The following ATP13A5 variants were observed in gnomAD, a reference collection of about 807,000 sequenced individuals.
ATP13A5 encodes probable cation-transporting ATPase 13A5.
In ATP13A5, 149 loss-of-function variants were observed where a neutral mutation model predicts 150.2. That is an observed-to-expected ratio of 0.99 (90% CI 0.87 to 1.14). The LOEUF is 1.14. ATP13A5 is among the 50% of genes most tolerant of loss of function. ATP13A5 has a pLI of 0.00. For synonymous variants in ATP13A5, 497 were observed against 522.2 expected, an observed-to-expected ratio of 0.95 and a Z score of 0.66; for missense variants, 1,383 against 1,449.3, an observed-to-expected ratio of 0.95 and a Z score of 0.74.
intron 17 of ATP13A5, among the ~76,000 whole-genome samples, chr3:193,318,752 C>G (rs562804531): frequency 1.3e-5 from 2 of 152,270 alleles, no homozygotes; most frequent in Non-Finnish European, 2.9e-5. Context: ...ACACTGGTAT[C>G]TTGGAGTCAG....
At chr3:193,346,054 A>G (rs1000352688) in intron 7 of ATP13A5, among the ~76,000 whole-genome samples, 2 of 152,096 alleles carry the variant, frequency 1.3e-5, no homozygotes, top group Non-Finnish European at 2.9e-5. Flanking sequence ...TAAGTCGTGA[A>G]TCTTGTGCTA....
At chr3:193,326,610 T>C (rs961152308) in intron 13 of ATP13A5, among the ~76,000 whole-genome samples, 4 of 152,232 alleles carry the variant, frequency 2.6e-5, no homozygotes, top group Admixed American at 2.6e-4. Flanking sequence ...GCCTGTGTTG[T>C]ACATCAAAGG....
intron 21 of ATP13A5, 102 bp from the exon 22 acceptor site, chr3:193,307,471 G>A (rs1162907733): frequency 3.6e-6 from 5 of 1,391,436 alleles, no homozygotes; most frequent in Non-Finnish European, 5.0e-6. Context: ...GTGTGTATGT[G>A]TGTGTCCCCT....
intron 7 of ATP13A5, among the ~76,000 whole-genome samples, chr3:193,348,606 C>T (rs1055158756): frequency 3.0e-4 from 46 of 152,288 alleles, no homozygotes; most frequent in African/African-American, 1.1e-3. Context: ...CTTTGTGTAG[C>T]ATGATTTGGG....
In ATP13A5 at chr3:193,351,183, C is replaced by T; in HGVS notation, c.625G>A (p.Val209Met). ...AAAGTTAGGGTGAAGGCTTGGAACACATAGAATGGATTTAAAACCTGCAGG... is the reference window on the plus strand; with the variant it reads ...AAAGTTAGGGTGAAGGCTTGGAACATATAGAATGGATTTAAAACCTGCAGG... ...LVKQVLNPFY[V>M]FQAFTLTLWL... The change falls in exon 7 of 30, where the codon GTG becomes ATG. Residue 209 changes from valine to methionine, a missense_variant. Val to Met is a conservative substitution (Grantham distance 21). This residue lies in a region of ATP13A5 where 787 missense variants were observed against 771.9 expected (regional missense o/e 1.02). Coordinates refer to ENST00000342358, the MANE Select transcript of ATP13A5 (RefSeq NM_198505.4). The T allele has an allele frequency of 6.2e-7, 1 of 1,613,730 alleles. No individual in the cohort carries two copies. The highest frequency in any genetic ancestry group is 8.5e-7 in the Non-Finnish European group (1 of 1,179,676).
intron 20 of ATP13A5, among the ~76,000 whole-genome samples, 172 bp downstream of exon 20, chr3:193,311,644 C>A (rs148757406): frequency 6.6e-6 from 1 of 152,038 alleles, no homozygotes; most frequent in Non-Finnish European, 1.5e-5. Flanking sequence ...TGCCTGGGAC[C>A]GAGAAGGCAT....
chr3:193,310,778 A>G, intron 20 of ATP13A5, 61 bp from the exon 21 acceptor site: 12 of 1,345,764 alleles, frequency 8.9e-6, no homozygotes, highest in Non-Finnish European at 1.2e-5. Context: ...TAAAAATAAA[A>G]GAACAGCCCT....
At chr3:193,301,851 A>T (rs1267154999) in intron 23 of ATP13A5, among the ~76,000 whole-genome samples, 1 of 152,218 alleles carries the variant, frequency 6.6e-6, no homozygotes. Context: ...AGGCTTTGAT[A>T]TTGCAGGAAG....
At chr3:193,303,020 G>T (rs1434983131) in intron 23 of ATP13A5, among the ~76,000 whole-genome samples, 1 of 152,192 alleles carries the variant, frequency 6.6e-6, no homozygotes, top group Admixed American at 6.5e-5. Flanking sequence ...ACATGCATGA[G>T]GAGGAGCATC....
At chr3:193,362,764 T>TCTTC (rs1219399197) in intron 3 of ATP13A5, 127 bp from the exon 4 acceptor site, 2 of 222,136 alleles carry the variant, frequency 9.0e-6, no homozygotes, top group African/African-American at 3.7e-5. Context: ...TTTCTTTCTT[T>TCTTC]CTTTCTTTCT....
chr3:193,311,958 A>T lies in ATP13A5; in HGVS notation c.2320-17T>A. 1 of 1,613,166 alleles carries T rather than the reference A, an allele frequency of 6.2e-7. No homozygotes were observed. The highest frequency in any genetic ancestry group is 8.5e-7 in the Non-Finnish European group (1 of 1,179,452). The stretch of plus-strand genomic sequence containing the variant: ...GTAGATTTCCTAAAATCAAAAGGGC[A>T]TCATTTCTACATTGACTCCTAAGGA... On this transcript the variant is annotated splice_polypyrimidine_tract_variant and intron_variant, in intron 19 of 29. Transcript: ENST00000342358.
At chr3:193,319,924 C>T (rs1048614527) in intron 16 of ATP13A5, among the ~76,000 whole-genome samples, 8 of 152,184 alleles carry the variant, frequency 5.3e-5, no homozygotes, top group East Asian at 3.8e-4. Context: ...TTGAAATGGA[C>T]GCCATGTGAT....
In ATP13A5 at chr3:193,301,308, C is replaced by T. The variant is rs1718388238; in HGVS notation, c.2679-1G>A. On this transcript the variant is annotated splice_acceptor_variant, in intron 23 of 29. Transcript: ENST00000342358. LOFTEE classifies it high-confidence loss of function. ...TGAAACCAGAGCAGCTCGGCCTTCTCTGTTTAAAAAGAAATAAAAATAAAA... is the reference window on the plus strand; with the variant it reads ...TGAAACCAGAGCAGCTCGGCCTTCTTTGTTTAAAAAGAAATAAAAATAAAA... The T allele has an allele frequency of 6.2e-7, 1 of 1,606,578 alleles. No individual in the cohort carries two copies. The highest frequency in any genetic ancestry group is 8.5e-7 in the Non-Finnish European group (1 of 1,177,472).
At chr3:193,370,248 A>T (rs1713393239) in intron 1 of ATP13A5, among the ~76,000 whole-genome samples, 1 of 152,212 alleles carries the variant, frequency 6.6e-6, no homozygotes, top group Non-Finnish European at 1.5e-5. Flanking sequence ...GCGCTTTTTC[A>T]CAGAGGTTAT....
chr3:193,279,003 C>T (rs1717356566), intron 28 of ATP13A5, among the ~76,000 whole-genome samples: 1 of 152,092 alleles, frequency 6.6e-6, no homozygotes, highest in Non-Finnish European at 1.5e-5. Flanking sequence ...TTTTCTTTCC[C>T]TTTATAACTA....
At chr3:193,291,712 G>A (rs73072901) in intron 25 of ATP13A5, among the ~76,000 whole-genome samples, 2,784 of 151,854 alleles carry the variant, frequency 0.018, 97 homozygotes, top group African/African-American at 0.064. Flanking sequence ...TCCAGACACC[G>A]AAGCTCAGTT....
At chr3:193,307,232 G>C in intron 22 of ATP13A5, 95 bp downstream of exon 22, 1 of 1,598,114 alleles carries the variant, frequency 6.3e-7, no homozygotes, top group Non-Finnish European at 8.5e-7. Flanking sequence ...ATGGTTGCTG[G>C]TGGAAGGATG....
intron 17 of ATP13A5, among the ~76,000 whole-genome samples, chr3:193,316,162 ATAT>A (rs1719043716): frequency 6.6e-6 from 1 of 152,122 alleles, no homozygotes; most frequent in South Asian, 2.1e-4. Flanking sequence ...AGGCTTAATA[ATAT>A]TCCATTATAT....
rs747082137 is a variant in ATP13A5 at position 193,279,488 on chromosome 3, A to T, written c.3227-34T>A. The T allele has an allele frequency of 5.1e-6, 8 of 1,561,454 alleles. No individual in the cohort carries two copies. The South Asian group carries it at 8.9e-5, about 17-fold the overall frequency. ...ATACCAAACATTATTTTTAGATGTT[A>T]AAAGAATGTTTCATATAATTTGGCA... On this transcript the variant is annotated intron_variant, in intron 27 of 29. Transcript: ENST00000342358.
Sources: gnomAD v4.1 joint callset for allele counts (sites outside exome capture counted in the v4.1 genomes callset) on GRCh38, gnomAD v4.1.1 for gene constraint, gnomAD v4.1.1 regional missense constraint, MANE v1.5 for transcripts, NCBI Gene and HGNC (gene_info 2026-07-23, HGNC 2026-07-21) for gene names.